GPC6: variants seen among roughly 807,000 people sequenced by gnomAD.
The protein encoded by GPC6 is glypican-6.
A neutral mutation model predicts 55.2 loss-of-function variants in GPC6; 14 were observed. The ratio of observed to expected loss-of-function variants is 0.25; its 90% CI spans 0.17 to 0.40. GPC6 has a LOEUF of 0.40. Ranked by LOEUF, GPC6 falls within the 10% of genes least tolerant of loss-of-function variation. The pLI, the probability that GPC6 is intolerant of heterozygous loss-of-function variation, is 1.00. For missense variants in GPC6, 641 were observed against 708.5 expected (o/e 0.90, Z 1.08); for synonymous variants, 278 against 259.6 (o/e 1.07, Z -0.68).
At chr13:93,263,103 T>C (rs985351950) in intron 1 of GPC6, among the ~76,000 whole-genome samples, 1 of 152,154 alleles carries the variant, frequency 6.6e-6, no homozygotes, top group Non-Finnish European at 1.5e-5. Flanking sequence ...ATGGGTGTTC[T>C]GGGAACTGTC....
chr13:93,493,489 A>T (rs1880119149), intron 1 of GPC6, among the ~76,000 whole-genome samples: 1 of 110,950 alleles, frequency 9.0e-6, no homozygotes, highest in Non-Finnish European at 1.9e-5. Flanking sequence ...GGATTCCTTG[A>T]TTTTTTGATG....
At chr13:93,449,484 A>G (rs2139299304) in intron 1 of GPC6, among the ~76,000 whole-genome samples, 1 of 145,186 alleles carries the variant, frequency 6.9e-6, no homozygotes, top group African/African-American at 2.4e-5. Flanking sequence ...TCTGCACTCC[A>G]TGGATACAAA....
At chr13:93,235,926 C>A (rs950928304) in intron 1 of GPC6, among the ~76,000 whole-genome samples, 1 of 152,168 alleles carries the variant, frequency 6.6e-6, no homozygotes, top group Non-Finnish European at 1.5e-5. Flanking sequence ...GCTCTCAGAT[C>A]CTTGTTCCAC....
intron 3 of GPC6, among the ~76,000 whole-genome samples, chr13:93,956,069 A>G (rs1028602748): frequency 1.3e-5 from 2 of 152,106 alleles, no homozygotes; most frequent in African/African-American, 4.8e-5. Flanking sequence ...GACAGAGATG[A>G]AAACATCTTG....
rs1876260476 is a variant in GPC6 at position 93,568,775 on chromosome 13, C to T, written c.319+23354C>T. Among the ~76,000 whole-genome samples the T allele has an allele frequency of 2.6e-5, 4 of 152,170 alleles. No individual in the cohort carries two copies. The South Asian group carries it at 8.3e-4, about 32-fold the overall frequency. On this transcript the variant is annotated intron_variant, in intron 2 of 8. Coordinates refer to ENST00000377047, the MANE Select transcript of GPC6 (RefSeq NM_005708.5). ...ATGACCCATCCAGTTTAATCATATA[C>T]TACGATTTTAAGACATTGATTTCAT...
intron 4 of GPC6, among the ~76,000 whole-genome samples, chr13:94,049,528 TTCCTCAAA>T (rs1226768192): frequency 6.6e-6 from 1 of 152,062 alleles, no homozygotes; most frequent in Non-Finnish European, 1.5e-5. Context: ...CTCCTCACTG[TTCCTCAAA>T]CCCTCCAGGC....
chr13:93,556,491 G>T (rs1406120508), intron 2 of GPC6, among the ~76,000 whole-genome samples: 1 of 148,974 alleles, frequency 6.7e-6, no homozygotes, highest in Non-Finnish European at 1.5e-5. Flanking sequence ...AGCACATCAT[G>T]GAGAATGGAG....
chr13:93,827,028 T>C (rs1887287994), intron 2 of GPC6, among the ~76,000 whole-genome samples: 1 of 152,200 alleles, frequency 6.6e-6, no homozygotes, highest in African/African-American at 2.4e-5. Flanking sequence ...TGTGCACCTA[T>C]GAAGCGTAAC....
intron 1 of GPC6, among the ~76,000 whole-genome samples, chr13:93,340,912 A>G (rs992971235): frequency 6.6e-6 from 1 of 152,088 alleles, no homozygotes; most frequent in African/African-American, 2.4e-5. Flanking sequence ...TGTACCCGAT[A>G]TATACTCTTT....
At chr13:94,013,218 G>GTATA (rs10644543) in intron 3 of GPC6, among the ~76,000 whole-genome samples, 6,025 of 150,320 alleles carry the variant, frequency 0.04, 142 homozygotes, top group East Asian at 0.068. Flanking sequence ...ATGTGTGTAT[G>GTATA]TATATATATA....
At chr13:93,276,920 A>T (rs541461233) in intron 1 of GPC6, among the ~76,000 whole-genome samples, 3 of 152,246 alleles carry the variant, frequency 2.0e-5, no homozygotes, top group African/African-American at 7.2e-5. Flanking sequence ...TTTTCTGTCC[A>T]TTTAATCTGC....
chr13:93,499,788 C>T (rs1297096705), intron 1 of GPC6, among the ~76,000 whole-genome samples: 4 of 152,148 alleles, frequency 2.6e-5, no homozygotes, highest in Non-Finnish European at 5.9e-5. Context: ...ATGATTCTTT[C>T]CTTAGATTTG....
intron 4 of GPC6, among the ~76,000 whole-genome samples, chr13:94,201,355 C>T (rs536680708): frequency 1.6e-4 from 25 of 152,106 alleles, no homozygotes; most frequent in African/African-American, 4.1e-4. Flanking sequence ...ATGTCAATAA[C>T]GAAAAACAGG....
chr13:93,362,948 A>G (rs1193313942), intron 1 of GPC6, among the ~76,000 whole-genome samples: 1 of 152,040 alleles, frequency 6.6e-6, no homozygotes, highest in Non-Finnish European at 1.5e-5. Context: ...TGCTAGTATT[A>G]ATTTTTAGGT....
intron 2 of GPC6, among the ~76,000 whole-genome samples, chr13:93,699,262 A>G (rs1882586587): frequency 6.6e-6 from 1 of 152,156 alleles, no homozygotes; most frequent in Admixed American, 6.6e-5. Context: ...ATAAATTTAA[A>G]TTAAAGAGAG....
At chr13:94,215,963 G>A (rs1262408912) in intron 4 of GPC6, among the ~76,000 whole-genome samples, 2 of 151,862 alleles carry the variant, frequency 1.3e-5, no homozygotes, top group African/African-American at 2.4e-5. Context: ...ACTGATATGA[G>A]GCTGCGTATT....
rs558489725 is a variant in GPC6 at position 94,271,115 on chromosome 13, C to T, written c.878-15234C>T. On this transcript the variant is annotated intron_variant, in intron 4 of 8. Coordinates refer to ENST00000377047, the MANE Select transcript of GPC6 (RefSeq NM_005708.5). The stretch of plus-strand genomic sequence containing the variant: ...ATGCCATTCTCCTGCCTCAGCCTCC[C>T]GAGTAGCTGGGACTACAGGCTCCCG... 9.7e-3 allele frequency among the ~76,000 whole-genome samples: 1,472 copies of T among 151,080 alleles called. 9 individuals carry two copies. Among genetic ancestry groups the T allele is most frequent in the Non-Finnish European group, 0.015 (1,021 of 67,740 alleles).
intron 4 of GPC6, among the ~76,000 whole-genome samples, chr13:94,236,900 T>TC (rs397779797): frequency 1.3e-5 from 2 of 150,938 alleles, no homozygotes; most frequent in African/African-American, 4.9e-5. Flanking sequence ...TTTTTTTTTT[T>TC]CTCCTGAAAA....
chr13:93,662,304 C>T lies in GPC6; in HGVS notation c.319+116883C>T, dbSNP rs183606011. ...AGTACCTATGGTGGAAGGTAGGGAG[C>T]GGGGAGGAAAAAGGAAAGAGCTATC... is the stretch of plus-strand genomic sequence containing the variant. On this transcript the variant is annotated intron_variant, in intron 2 of 8. Transcript: ENST00000377047. 4.0e-3 allele frequency among the ~76,000 whole-genome samples: 612 copies of T among 152,078 alleles called. 4 individuals are homozygous for T. The highest frequency in any genetic ancestry group is 0.019 in the Admixed American group (296 of 15,274).
Sources: gnomAD v4.1 joint callset for allele counts (sites outside exome capture counted in the v4.1 genomes callset) on GRCh38, gnomAD v4.1.1 for gene constraint, MANE v1.5 for transcripts, NCBI Gene and HGNC (gene_info 2026-07-23, HGNC 2026-07-21) for gene names.